Variants in TMLHE observed in about 807,000 individuals in gnomAD.
The protein encoded by TMLHE is trimethyllysine dioxygenase, mitochondrial.
Under a neutral mutation model 25.7 loss-of-function variants are expected in TMLHE, and 18 were observed. The ratio of observed to expected loss-of-function variants is 0.70; its 90% CI spans 0.48 to 1.04. TMLHE has a LOEUF of 1.04. Among genes scored for constraint, TMLHE ranks in the 50% least tolerant of loss-of-function variants. The pLI, the probability that TMLHE is intolerant of heterozygous loss-of-function variation, is 0.00. For synonymous variants in TMLHE, 105 were observed against 97.0 expected, an observed-to-expected ratio of 1.08 and a Z score of -0.49; for missense variants, 236 against 259.0, an observed-to-expected ratio of 0.91 and a Z score of 0.61.
At chrX:155,535,733 C>A (rs781969255) in intron 2 of TMLHE, among the ~76,000 whole-genome samples, 1 of 111,585 alleles carries the variant, frequency 9.0e-6, no homozygotes, top group East Asian at 2.8e-4. Context: ...CCTAACTAAC[C>A]CCTGTCTCCA....
At chrX:155,546,699 A>G (rs1285770943) in intron 1 of TMLHE, among the ~76,000 whole-genome samples, 1 of 111,367 alleles carries the variant, frequency 9.0e-6, no homozygotes, top group Non-Finnish European at 1.9e-5. Flanking sequence ...GGAAGGCTAA[A>G]GTCAAATTTA....
intron 1 of TMLHE, among the ~76,000 whole-genome samples, chrX:155,558,907 C>T (rs1490032859): frequency 3.6e-5 from 4 of 111,449 alleles, no homozygotes; most frequent in African/African-American, 1.3e-4. Context: ...CCTCTAATAG[C>T]CTTGTCAGAA....
intron 1 of TMLHE, among the ~76,000 whole-genome samples, chrX:155,587,212 T>A (rs1385757150): frequency 9.0e-6 from 1 of 110,637 alleles, no homozygotes; most frequent in Non-Finnish European, 1.9e-5. Context: ...TGGTTCAACA[T>A]ATGTAAACCA....
rs1276968494 is a variant in TMLHE at position 155,602,095 on chromosome X, C to T, written c.-2+10697G>A. On this transcript the variant is annotated intron_variant, in intron 1 of 7. Coordinates refer to ENST00000334398, the MANE Select transcript of TMLHE (RefSeq NM_018196.4). ...AACAAATACATTATAAGAAAAGAAG[C>T]CTACAATTCAACTTCCCTTATGAAT... Among the ~76,000 whole-genome samples, 3 of 110,893 alleles carry T rather than the reference C, an allele frequency of 2.7e-5. No homozygotes were observed. In the Admixed American group the frequency reaches 2.9e-4, roughly 11 times the overall value.
intron 1 of TMLHE, 114 bp from the exon 2 acceptor site, chrX:155,545,391 C>G: frequency 1.7e-6 from 1 of 598,478 alleles, no homozygotes; most frequent in Non-Finnish European, 2.4e-6. Flanking sequence ...GATCTCAATA[C>G]AGAGGATTAA....
At chrX:155,538,252 C>A (rs935375580) in intron 2 of TMLHE, among the ~76,000 whole-genome samples, 7 of 111,387 alleles carry the variant, frequency 6.3e-5, no homozygotes, top group African/African-American at 2.3e-4. Flanking sequence ...GGCTTATTTC[C>A]TTTAACATAA....
intron 1 of TMLHE, among the ~76,000 whole-genome samples, chrX:155,585,123 A>AT (rs1557345115): frequency 8.9e-6 from 1 of 111,877 alleles, no homozygotes; most frequent in East Asian, 2.8e-4. Context: ...CATAGCAGTG[A>AT]TAACCCTGAA....
intron 1 of TMLHE, among the ~76,000 whole-genome samples, chrX:155,600,949 A>AC (rs2067752489): frequency 9.0e-6 from 1 of 111,273 alleles, no homozygotes; most frequent in African/African-American, 3.3e-5. Flanking sequence ...CCCAGCAGTG[A>AC]CCCCCTGGAA....
chrX:155,604,028 C>T (rs1297537718), intron 1 of TMLHE, among the ~76,000 whole-genome samples: 1 of 111,993 alleles, frequency 8.9e-6, no homozygotes, highest in Admixed American at 9.4e-5. Flanking sequence ...GATTTACTTG[C>T]ACCTCCAACA....
chrX:155,612,369 CCGAACAAAGTGA>C (rs2067829089), intron 1 of TMLHE: 2 of 111,804 alleles, frequency 1.8e-5, no homozygotes, highest in East Asian at 2.8e-4. Flanking sequence ...CACTCTACTG[CCGAACAAAGTGA>C]GGCAGGAAGA....
At chrX:155,592,986 C>T (rs1231679211) in intron 1 of TMLHE, among the ~76,000 whole-genome samples, 1 of 111,947 alleles carries the variant, frequency 8.9e-6, no homozygotes, top group Admixed American at 9.4e-5. Flanking sequence ...GCTAGGCCTG[C>T]CCCCATCTGG....
At chrX:155,549,356 T>G (rs1413248170) in intron 1 of TMLHE, among the ~76,000 whole-genome samples, 2 of 110,625 alleles carry the variant, frequency 1.8e-5, no homozygotes, top group Non-Finnish European at 3.8e-5. Flanking sequence ...GTTTTTGGAT[T>G]TTTTTGTTAT....
chrX:155,546,270 C>T (rs934366748), intron 1 of TMLHE, among the ~76,000 whole-genome samples: 34 of 111,362 alleles, frequency 3.1e-4, no homozygotes, highest in African/African-American at 1.1e-3. Context: ...GGGAAAATGC[C>T]TTGATAAACC....
rs1204162233 is a variant in TMLHE at position 155,568,171 on chromosome X, A to G, written c.-1-22894T>C. ...TTCCGACAGGCTGAAAAAACGGCGC[A>G]CCAGGAGATTATATCCCCCACATGG... On this transcript the variant is annotated intron_variant, in intron 1 of 7. Transcript: ENST00000334398. 8.1e-5 allele frequency among the ~76,000 whole-genome samples: 5 copies of G among 61,419 alleles called. 1 individual carries two copies. The highest frequency in any genetic ancestry group is 1.8e-4 in the African/African-American group (5 of 27,764). The allele number at this position is 61,419 out of a possible 115,157, so 53.3% of individuals were successfully genotyped here.
chrX:155,537,755 T>C (rs782113180), intron 2 of TMLHE, among the ~76,000 whole-genome samples: 4 of 111,185 alleles, frequency 3.6e-5, no homozygotes, highest in Non-Finnish European at 5.7e-5. Flanking sequence ...CATACTTCTC[T>C]GACAAAGCCC....
intron 5 of TMLHE, among the ~76,000 whole-genome samples, chrX:155,507,511 T>C (rs183161845): frequency 3.8e-3 from 414 of 108,429 alleles, no homozygotes; most frequent in Non-Finnish European, 6.4e-3. Flanking sequence ...ATACAAGATA[T>C]AGTGGGGTCA....
At chrX:155,547,196 G>C (rs1028228787) in intron 1 of TMLHE, among the ~76,000 whole-genome samples, 22 of 97,413 alleles carry the variant, frequency 2.3e-4, no homozygotes, top group African/African-American at 6.0e-4. Flanking sequence ...CCAGGCTGGA[G>C]TGCAGTGGCG....
chrX:155,610,964 G>A (rs782113694), intron 1 of TMLHE, among the ~76,000 whole-genome samples: 15 of 111,679 alleles, frequency 1.3e-4, no homozygotes, highest in African/African-American at 4.9e-4. Flanking sequence ...AATGAACAGA[G>A]TATGATGAAT....
chrX:155,530,844 A>T (rs2067245645), intron 2 of TMLHE, among the ~76,000 whole-genome samples: 1 of 112,572 alleles, frequency 8.9e-6, no homozygotes, highest in Admixed American at 9.4e-5. Flanking sequence ...AAGGTGGGCT[A>T]AACCAAGAAA....
Sources: allele counts gnomAD v4.1 joint callset (sites outside exome capture counted in the v4.1 genomes callset), GRCh38; gene constraint gnomAD v4.1.1; transcripts MANE v1.5; gene names NCBI Gene and HGNC (gene_info 2026-07-23, HGNC 2026-07-21).